Variants in CDH18 observed in about 807,000 individuals in gnomAD.
CDH18 encodes cadherin-18.
Under a neutral mutation model 67.9 loss-of-function variants are expected in CDH18, and 31 were observed. The ratio of observed to expected loss-of-function variants is 0.46; its 90% CI spans 0.34 to 0.62. The LOEUF (loss-of-function observed/expected upper bound fraction) is 0.62, where lower values mean the gene tolerates loss of function less well. Ranked by LOEUF, CDH18 falls within the 20% of genes least tolerant of loss-of-function variation. CDH18 has a pLI of 0.01. For missense variants in CDH18, 890 were observed against 975.5 expected, an observed-to-expected ratio of 0.91 and a Z score of 1.17; for synonymous variants, 362 against 347.2, an observed-to-expected ratio of 1.04 and a Z score of -0.48.
intron 1 of CDH18, among the ~76,000 whole-genome samples, chr5:20,508,624 G>A (rs1313218923): frequency 6.6e-6 from 1 of 151,710 alleles, no homozygotes; most frequent in Non-Finnish European, 1.5e-5. Flanking sequence ...GAAATAAGTT[G>A]ATTAACATGA....
intron 5 of CDH18, among the ~76,000 whole-genome samples, chr5:19,663,328 C>A (rs1757449985): frequency 6.6e-6 from 1 of 151,850 alleles, no homozygotes; most frequent in Admixed American, 6.6e-5. Flanking sequence ...TATACTAATA[C>A]TAACTGCTAT....
chr5:20,565,756 TAAA>T (rs541394969), intron 1 of CDH18, among the ~76,000 whole-genome samples: 2 of 142,444 alleles, frequency 1.4e-5, no homozygotes, highest in Non-Finnish European at 3.0e-5. Flanking sequence ...TACGTTATGA[TAAA>T]AAAAAAAAAA....
chr5:19,763,350 T>A (rs1772624500), intron 3 of CDH18, among the ~76,000 whole-genome samples: 1 of 152,180 alleles, frequency 6.6e-6, no homozygotes, highest in South Asian at 2.1e-4. Flanking sequence ...CAGAAATATA[T>A]CCTGAAAGTA....
intron 1 of CDH18, among the ~76,000 whole-genome samples, chr5:20,298,063 G>C (rs1467509221): frequency 6.6e-6 from 1 of 151,672 alleles, no homozygotes; most frequent in African/African-American, 2.4e-5. Context: ...TTCCACCTTA[G>C]AAAAATAGAA....
intron 2 of CDH18, among the ~76,000 whole-genome samples, chr5:20,217,771 C>A (rs1179498028): frequency 6.6e-6 from 1 of 151,660 alleles, no homozygotes; most frequent in Non-Finnish European, 1.5e-5. Context: ...TTGTTGCCTA[C>A]ATAGCAAACA....
At chr5:19,961,470 T>C (rs2136130) in intron 2 of CDH18, among the ~76,000 whole-genome samples, 64,922 of 151,974 alleles carry the variant, frequency 0.43, 16,186 homozygotes, top group Middle Eastern at 0.66. Flanking sequence ...CTAAACTTCA[T>C]TATCTGGCAC....
intron 1 of CDH18, among the ~76,000 whole-genome samples, chr5:20,555,361 A>T (rs1038858347): frequency 8.1e-6 from 1 of 123,280 alleles, no homozygotes; most frequent in Non-Finnish European, 1.7e-5. Flanking sequence ...GTATTTTGTT[A>T]TAGTAGTCCA....
At chr5:20,336,276 G>T (rs10053204) in intron 1 of CDH18, among the ~76,000 whole-genome samples, 17,017 of 152,034 alleles carry the variant, frequency 0.11, 1,013 homozygotes, top group Non-Finnish European at 0.13. Flanking sequence ...CACTCCAGAG[G>T]GGGGAATGAG....
At chr5:20,048,813 G>A (rs1239140016) in intron 2 of CDH18, among the ~76,000 whole-genome samples, 1 of 151,494 alleles carries the variant, frequency 6.6e-6, no homozygotes, top group Non-Finnish European at 1.5e-5. Context: ...CTTTTATCTA[G>A]TAGGTTTTAA....
intron 3 of CDH18, among the ~76,000 whole-genome samples, chr5:19,815,599 A>G (rs1435865663): frequency 2.0e-5 from 3 of 152,046 alleles, no homozygotes; most frequent in Non-Finnish European, 4.4e-5. Flanking sequence ...TAAGTAATGA[A>G]AAATATAGAA....
chr5:19,873,148 A>T (rs1381269545), intron 2 of CDH18, among the ~76,000 whole-genome samples: 2 of 151,938 alleles, frequency 1.3e-5, no homozygotes, highest in Non-Finnish European at 2.9e-5. Context: ...AAACTTGGGG[A>T]AAAGCTCATG....
chr5:19,575,575 T>C (rs1023648813), intron 7 of CDH18, among the ~76,000 whole-genome samples: 1 of 152,262 alleles, frequency 6.6e-6, no homozygotes, highest in Non-Finnish European at 1.5e-5. Context: ...TGTTTTGTTT[T>C]ACTGGAATGG....
intron 2 of CDH18, among the ~76,000 whole-genome samples, chr5:19,963,847 A>G (rs1360188346): frequency 6.6e-6 from 1 of 152,026 alleles, no homozygotes; most frequent in African/African-American, 2.4e-5. Context: ...TGATGGAGGG[A>G]GAAACAAACA....
chr5:20,341,038 T>C (rs753611317), intron 1 of CDH18, among the ~76,000 whole-genome samples: 1 of 152,046 alleles, frequency 6.6e-6, no homozygotes, highest in African/African-American at 2.4e-5. Context: ...CAAGGAAAAA[T>C]TGGCAGGGCT....
chr5:19,888,256 C>G, intron 2 of CDH18, among the ~76,000 whole-genome samples: 1 of 152,030 alleles, frequency 6.6e-6, no homozygotes, highest in Admixed American at 6.6e-5. Flanking sequence ...GCACACACAC[C>G]GACAGTTTAT....
At chr5:19,682,249 C>T (rs1034322970) in intron 5 of CDH18, among the ~76,000 whole-genome samples, 28 of 152,086 alleles carry the variant, frequency 1.8e-4, no homozygotes, top group African/African-American at 4.6e-4. Flanking sequence ...GAAAAGTCTT[C>T]GCTGCTTCTT....
intron 6 of CDH18, among the ~76,000 whole-genome samples, chr5:19,604,795 C>G (rs141362792): frequency 4.9e-3 from 739 of 152,032 alleles, no homozygotes; most frequent in Non-Finnish European, 7.8e-3. Flanking sequence ...CCAATACATT[C>G]TGTTTCTATG....
At chr5:19,782,788 G>A (rs1775278268) in intron 3 of CDH18, among the ~76,000 whole-genome samples, 1 of 152,122 alleles carries the variant, frequency 6.6e-6, no homozygotes, top group African/African-American at 2.4e-5. Flanking sequence ...TGCTCATGAT[G>A]TAAATGTTTC....
intron 6 of CDH18, among the ~76,000 whole-genome samples, chr5:19,603,971 C>A (rs1350105257): frequency 6.6e-6 from 1 of 151,724 alleles, no homozygotes; most frequent in East Asian, 1.9e-4. Context: ...GAATACAGAT[C>A]TCACTGTGTA....
Sources: allele counts gnomAD v4.1 joint callset (sites outside exome capture counted in the v4.1 genomes callset), GRCh38; gene constraint gnomAD v4.1.1; transcripts MANE v1.5; gene names NCBI Gene and HGNC (gene_info 2026-07-23, HGNC 2026-07-21).